The following STXBP5 variants were observed in gnomAD, a reference collection of about 807,000 sequenced individuals.
The protein encoded by STXBP5 is syntaxin-binding protein 5.
Under a neutral mutation model 152.4 loss-of-function variants are expected in STXBP5, and 50 were observed. The ratio of observed to expected loss-of-function variants is 0.33; its 90% CI spans 0.26 to 0.42. The LOEUF is 0.42. STXBP5 is among the 10% of genes least tolerant of loss of function. The pLI is 1.00. For missense variants in STXBP5, 1,167 were observed against 1,388.6 expected (o/e 0.84, Z 2.54); for synonymous variants, 492 against 494.7 (o/e 0.99, Z 0.07).
chr6:147,365,036 A>G (rs571679541), intron 25 of STXBP5, among the ~76,000 whole-genome samples: 1 of 152,276 alleles, frequency 6.6e-6, no homozygotes, highest in East Asian at 1.9e-4. Context: ...GTGGTATCTC[A>G]GAGGATATGA....
At chr6:147,275,238 C>T (rs1780377797) in intron 7 of STXBP5, among the ~76,000 whole-genome samples, 1 of 152,002 alleles carries the variant, frequency 6.6e-6, no homozygotes, top group South Asian at 2.1e-4. Context: ...ATACTGATGT[C>T]AGACTCTTAA....
chr6:147,234,142 C>T lies in STXBP5; in HGVS notation c.249-1108C>T, dbSNP rs147268854. On this transcript the variant is annotated intron_variant, in intron 2 of 27. Coordinates refer to ENST00000321680, the MANE Select transcript of STXBP5 (RefSeq NM_001127715.4). ...TGTATTAATAGAATATAGAAACAGA[C>T]CATACCTGAATGTGAATTTATATAC... Among the ~76,000 whole-genome samples, 412 of 151,698 alleles carry T rather than the reference C, an allele frequency of 2.7e-3. 1 individual carries two copies. Among genetic ancestry groups the T allele is most frequent in the African/African-American group, 9.3e-3 (384 of 41,486 alleles).
At chr6:147,352,517 G>A (rs559559069) in intron 21 of STXBP5, among the ~76,000 whole-genome samples, 19 of 152,206 alleles carry the variant, frequency 1.2e-4, no homozygotes, top group African/African-American at 3.4e-4. Context: ...AGGCTGAGGC[G>A]GGAGAATCCC....
At position 147,313,891 on chromosome 6, in the gene STXBP5, A is replaced by T; in HGVS notation, c.1153A>T (p.Ile385Leu). Residue 385 changes from isoleucine to leucine, a missense_variant, in exon 12 of 28, where the codon ATA becomes TTA. Physicochemically the swap from Ile to Leu is conservative, Grantham distance 5. Around this residue, in one of 3 missense-constraint regions of STXBP5, gnomAD observed 833 missense variants for 986.3 expected, o/e 0.84. Coordinates refer to ENST00000321680, the MANE Select transcript of STXBP5 (RefSeq NM_001127715.4). ...CTTTTTCTGTTGTTAAAGATATCCT[A>T]TATTTGAAAATCCCTACCCTTTGAG... ...LIDLAQNGYP[I>L]FENPYPLSIH... 6.5e-7 allele frequency: 1 copy of T among 1,535,708 alleles called. No individual in the cohort carries two copies. Among genetic ancestry groups the T allele is most frequent in the Non-Finnish European group, 8.9e-7 (1 of 1,126,494 alleles).
chr6:147,336,124 C>T (rs1783815309), intron 19 of STXBP5, among the ~76,000 whole-genome samples: 1 of 152,084 alleles, frequency 6.6e-6, no homozygotes, highest in Non-Finnish European at 1.5e-5. Context: ...GTCGGTTTCT[C>T]CATATCAGGA....
chr6:147,367,813 T>C (rs917620269), intron 25 of STXBP5, among the ~76,000 whole-genome samples: 15 of 152,046 alleles, frequency 9.9e-5, no homozygotes, highest in Non-Finnish European at 1.6e-4. Context: ...ACTATTAATA[T>C]CAGTAATAAG....
chr6:147,327,355 T>C (rs1562247952), intron 18 of STXBP5, 79 bp downstream of exon 18: 2 of 1,487,232 alleles, frequency 1.3e-6, no homozygotes, highest in Admixed American at 4.5e-5. Flanking sequence ...ATAAGTATTA[T>C]AGTTAGGTAA....
At chr6:147,243,938 A>C (rs975833757) in intron 4 of STXBP5, among the ~76,000 whole-genome samples, 1 of 151,960 alleles carries the variant, frequency 6.6e-6, no homozygotes, top group African/African-American at 2.4e-5. Flanking sequence ...CTGGTTGTCT[A>C]TTCTGTTTAA....
chr6:147,247,378 G>A (rs1331084187), intron 4 of STXBP5, among the ~76,000 whole-genome samples: 1 of 152,184 alleles, frequency 6.6e-6, no homozygotes, highest in Non-Finnish European at 1.5e-5. Flanking sequence ...TTGGGAAGAT[G>A]GGGGATCTGC....
intron 21 of STXBP5, among the ~76,000 whole-genome samples, chr6:147,342,291 G>A (rs1380021814): frequency 2.0e-5 from 3 of 152,144 alleles, no homozygotes; most frequent in African/African-American, 7.2e-5. Context: ...CTCAAAGGAA[G>A]GATAGCTAGA....
chr6:147,344,814 T>C (rs1189061925), intron 21 of STXBP5, among the ~76,000 whole-genome samples: 3 of 152,150 alleles, frequency 2.0e-5, no homozygotes, highest in African/African-American at 7.2e-5. Flanking sequence ...GTGTTAGGTT[T>C]ATGTAATACC....
intron 2 of STXBP5, among the ~76,000 whole-genome samples, chr6:147,221,537 T>A (rs1455113439): frequency 6.6e-6 from 1 of 151,678 alleles, no homozygotes; most frequent in Non-Finnish European, 1.5e-5. Flanking sequence ...TGTACAGAAT[T>A]CCAGTTTTTT....
chr6:147,353,889 A>G (rs113212082), intron 22 of STXBP5, among the ~76,000 whole-genome samples: 38 of 152,340 alleles, frequency 2.5e-4, no homozygotes, highest in African/African-American at 8.9e-4. Context: ...TTATGAAAGC[A>G]GGATGAATAT....
chr6:147,313,891 A>G lies in STXBP5; in HGVS notation c.1153A>G (p.Ile385Val), dbSNP rs769619244. Reference sequence around the variant, plus strand: ...CTTTTTCTGTTGTTAAAGATATCCTATATTTGAAAATCCCTACCCTTTGAG... The same window carrying G: ...CTTTTTCTGTTGTTAAAGATATCCTGTATTTGAAAATCCCTACCCTTTGAG... The part of the protein sequence containing the change: ...LIDLAQNGYP[I>V]FENPYPLSIH... The change falls in exon 12 of 28, where the codon ATA becomes GTA. Residue 385 changes from isoleucine to valine, a missense_variant. Ile to Val is a conservative substitution (Grantham distance 29, BLOSUM62 3). Transcript: ENST00000321680. 12 of 1,535,706 alleles carry G rather than the reference A, an allele frequency of 7.8e-6. No homozygotes were observed. Among genetic ancestry groups the G allele is most frequent in the East Asian group, 4.6e-5 (2 of 43,870 alleles).
intron 7 of STXBP5, among the ~76,000 whole-genome samples, chr6:147,273,051 G>GTA (rs1582874346): frequency 6.6e-6 from 1 of 151,798 alleles, no homozygotes; most frequent in East Asian, 1.9e-4. Flanking sequence ...AGGCTATGAT[G>GTA]TATTAAAATA....
intron 21 of STXBP5, among the ~76,000 whole-genome samples, chr6:147,341,004 A>C (rs1784065690): frequency 6.6e-6 from 1 of 152,114 alleles, no homozygotes; most frequent in South Asian, 2.1e-4. Flanking sequence ...TTTTGGTAGT[A>C]CAGTTATGCA....
Position 147,357,359 on chromosome 6 carries a change from G to A in STXBP5, c.2306-1725G>A, listed in dbSNP as rs149440341. Among the ~76,000 whole-genome samples the A allele has an allele frequency of 8.0e-3, 1,212 of 152,232 alleles. 21 individuals carry two copies. The highest frequency in any genetic ancestry group is 0.028 in the African/African-American group (1,159 of 41,548). On this transcript the variant is annotated intron_variant, in intron 22 of 27. Transcript: ENST00000321680. ...TAGGTAAGTGCAGGTTATGTTTGGA[G>A]AAAATTGTGTGGCTCTATTTATTTC...
At chr6:147,258,030 C>A (rs1779458212) in intron 4 of STXBP5, among the ~76,000 whole-genome samples, 1 of 152,156 alleles carries the variant, frequency 6.6e-6, no homozygotes. Context: ...ACAGGCTAGT[C>A]TGGGCTTCAT....
intron 4 of STXBP5, among the ~76,000 whole-genome samples, chr6:147,244,981 G>C (rs1205147063): frequency 7.1e-6 from 1 of 141,420 alleles, no homozygotes; most frequent in Non-Finnish European, 1.5e-5. Context: ...GAGGTTTGCT[G>C]AGCTGCTTTT....
Sources: gnomAD v4.1 joint callset for allele counts (sites outside exome capture counted in the v4.1 genomes callset) on GRCh38, gnomAD v4.1.1 for gene constraint, gnomAD v4.1.1 regional missense constraint, MANE v1.5 for transcripts, NCBI Gene and HGNC (gene_info 2026-07-23, HGNC 2026-07-21) for gene names.